The following GABRQ variants were observed in gnomAD, a reference collection of about 807,000 sequenced individuals.
GABRQ encodes gamma-aminobutyric acid receptor subunit theta.
A neutral mutation model predicts 30.5 loss-of-function variants in GABRQ; 19 were observed. The observed-to-expected ratio is 0.62, with a 90% confidence interval of 0.43 to 0.91. The LOEUF (loss-of-function observed/expected upper bound fraction) is 0.91, where lower values mean the gene tolerates loss of function less well. Among genes scored for constraint, GABRQ ranks in the 40% least tolerant of loss-of-function variants. The probability of loss-of-function intolerance (pLI) is 0.00; values close to 1 mark genes in which losing one functional copy is unlikely to be tolerated. For synonymous variants in GABRQ, 187 were observed against 210.2 expected (o/e 0.89, Z 0.95); for missense variants, 520 against 521.4 (o/e 1.00, Z 0.03).
intron 6 of GABRQ, among the ~76,000 whole-genome samples, chrX:152,650,103 C>T (rs1237835857): frequency 8.9e-6 from 1 of 112,011 alleles, no homozygotes; most frequent in Non-Finnish European, 1.9e-5. Context: ...GTAAAAGATT[C>T]ATGCTCCTCT....
chrX:152,642,002 AG>A (rs1930769760), intron 2 of GABRQ, among the ~76,000 whole-genome samples: 1 of 111,728 alleles, frequency 9.0e-6, no homozygotes. Context: ...GGGAGGGAGC[AG>A]GGGCAAGAAT....
Position 152,656,310 on chromosome X carries a change from T to C in GABRQ, c.*3029T>C, listed in dbSNP as rs1299953708. 1 of 110,885 alleles carries C rather than the reference T, an allele frequency of 9.0e-6. No individual in the cohort carries two copies. The highest frequency in any genetic ancestry group is 9.6e-5 in the Admixed American group (1 of 10,435). 9.1% of individuals were successfully genotyped at this position (110,885 alleles called of 1,213,427 possible). On this transcript the variant is annotated 3_prime_UTR_variant, in exon 9 of 9. Transcript: ENST00000598523. ...ACCTCACACCAGGTAACTCTGGAAG[T>C]GCAGAATGCTTGGTAGTTTGGAGCT...
rs1930899844 is a variant in GABRQ at position 152,646,882 on chromosome X, A to G, written c.307-66A>G. Reference sequence around the variant, plus strand: ...GCATGCACACATACACACACACCCTACACACACCAAGGATGGAGCTCTGGA... The same window carrying G: ...GCATGCACACATACACACACACCCTGCACACACCAAGGATGGAGCTCTGGA... On this transcript the variant is annotated intron_variant, in intron 3 of 8. Transcript: ENST00000598523. 7.0e-6 allele frequency: 5 copies of G among 715,051 alleles called. No homozygotes were observed. In the Admixed American group the frequency reaches 1.1e-4, roughly 16 times the overall value. 58.9% of individuals were successfully genotyped at this position (715,051 alleles called of 1,213,427 possible). A position where few individuals can be genotyped will look rare whatever the true frequency, so the allele number is the denominator to read the frequency against.
At position 152,652,565 on chromosome X, in the gene GABRQ, G is replaced by A. The variant is rs1931049042; in HGVS notation, c.1183G>A (p.Gly395Arg). Residue 395 changes from glycine to arginine, a missense_variant, in exon 9 of 9, where the codon GGA becomes AGA. Gly to Arg is a moderately radical substitution (Grantham distance 125). Transcript: ENST00000598523. ...VQDGLINVED[G>R]VSSLPITPAQ... ...GGATGGCCTGATTAACGTGGAAGACGGAGTCAGCTCTCTCCCCATCACCCC... is the reference window on the plus strand; with the variant it reads ...GGATGGCCTGATTAACGTGGAAGACAGAGTCAGCTCTCTCCCCATCACCCC... 5 of 1,205,787 alleles carry A rather than the reference G, an allele frequency of 4.1e-6. No individual in the cohort carries two copies. Among genetic ancestry groups the A allele is most frequent in the South Asian group, 3.6e-5 (2 of 56,084 alleles).
chrX:152,646,813 T>TTGTA (rs1268886743), intron 3 of GABRQ, 135 bp from the exon 4 acceptor site: 6 of 472,884 alleles, frequency 1.3e-5, no homozygotes, highest in African/African-American at 1.2e-4. Context: ...TTTCACGCAC[T>TTGTA]TGTATATAGT....
chrX:152,651,707 G>A lies in GABRQ; in HGVS notation c.1083G>A (p.Gln361=), dbSNP rs1556820255. Residue 361 remains glutamine (Q), a synonymous_variant, in exon 8 of 9, where the codon CAG becomes CAA. Coordinates refer to ENST00000598523, the MANE Select transcript of GABRQ (RefSeq NM_018558.4). ...YLFYSRGPRR[Q]PRRHRRPRRV... ...TCTACAGTCGAGGACCTCGGCGCCA[G>A]CCTAGGCGACACAGGAGACCCCGAA... The A allele has an allele frequency of 8.3e-7, 1 of 1,209,751 alleles. No individual in the cohort carries two copies. Among genetic ancestry groups the A allele is most frequent in the South Asian group, 1.8e-5 (1 of 56,940 alleles).
At chrX:152,644,092 C>T (rs192548416) in intron 2 of GABRQ, among the ~76,000 whole-genome samples, 109 of 111,784 alleles carry the variant, frequency 9.8e-4, no homozygotes, top group African/African-American at 3.5e-3. Flanking sequence ...CGAGACCACG[C>T]TCAAATTCAC....
chrX:152,651,691 G>A lies in GABRQ; in HGVS notation c.1067G>A (p.Arg356Gln), dbSNP rs1343935503. 10 of 1,208,212 alleles carry A rather than the reference G, an allele frequency of 8.3e-6. No individual in the cohort carries two copies. Among genetic ancestry groups the A allele is most frequent in the African/African-American group, 3.5e-5 (2 of 57,224 alleles). The change falls in exon 8 of 9, where the codon CGA (arginine) becomes CAA (glutamine). Residue 356 changes from arginine to glutamine, a missense_variant. Physicochemically the swap from Arg to Gln is conservative, Grantham distance 43. Coordinates refer to ENST00000598523, the MANE Select transcript of GABRQ (RefSeq NM_018558.4). ...YVYINYLFYS[R>Q]GPRRQPRRHR... ...TACATCAACTATCTTTTCTACAGTC[G>A]AGGACCTCGGCGCCAGCCTAGGCGA...
intron 2 of GABRQ, among the ~76,000 whole-genome samples, chrX:152,641,533 TA>T (rs1350047101): frequency 8.9e-6 from 1 of 112,035 alleles, no homozygotes; most frequent in African/African-American, 3.2e-5. Context: ...AGCAAGGTGG[TA>T]GTCCTGGGCC....
rs1931117456 is a variant in GABRQ, at chrX:152,654,855, T to G, written c.*1574T>G. The G allele has an allele frequency of 8.9e-6, 1 of 112,697 alleles. No individual in the cohort carries two copies. Among genetic ancestry groups the G allele is most frequent in the South Asian group, 3.7e-4 (1 of 2,712 alleles). 9.3% of individuals were successfully genotyped at this position (112,697 alleles called of 1,213,427 possible). On this transcript the variant is annotated 3_prime_UTR_variant, in exon 9 of 9. Coordinates refer to ENST00000598523, the MANE Select transcript of GABRQ (RefSeq NM_018558.4). ...CCCTTTAACTGTGCTTCTGTGTTTG[T>G]GTTTCTGTATATACCTGGGTGTATG...
In GABRQ at chrX:152,653,598, A is replaced by G. The variant is rs1931087856; in HGVS notation, c.*317A>G. ...GCCCCTGGAAATGTTTAGAGGACAG[A>G]GAAGAGCCAGGTTGGGGGATGGGGC... On this transcript the variant is annotated 3_prime_UTR_variant, in exon 9 of 9. Transcript: ENST00000598523. The G allele has an allele frequency of 4.9e-6, 1 of 205,451 alleles. No individual in the cohort carries two copies. The highest frequency in any genetic ancestry group is 2.9e-5 in the African/African-American group (1 of 34,117). 16.9% of individuals were successfully genotyped at this position (205,451 alleles called of 1,213,427 possible). A position where few individuals can be genotyped will look rare whatever the true frequency, so the allele number is the denominator to read the frequency against.
At position 152,651,697 on chromosome X, in the gene GABRQ, C is replaced by G. The variant is rs781897245; in HGVS notation, c.1073C>G (p.Pro358Arg). 1 of 1,209,379 alleles carries G rather than the reference C, an allele frequency of 8.3e-7. No homozygotes were observed. Among genetic ancestry groups the G allele is most frequent in the East Asian group, 3.0e-5 (1 of 33,833 alleles). The change falls in exon 8 of 9, where the codon CCT (proline) becomes CGT (arginine). Residue 358 changes from proline to arginine, a missense_variant. Coordinates refer to ENST00000598523, the MANE Select transcript of GABRQ (RefSeq NM_018558.4). Reference sequence around the variant, plus strand: ...AACTATCTTTTCTACAGTCGAGGACCTCGGCGCCAGCCTAGGCGACACAGG... The same window carrying G: ...AACTATCTTTTCTACAGTCGAGGACGTCGGCGCCAGCCTAGGCGACACAGG... ...YINYLFYSRG[P>R]RRQPRRHRRP...
In GABRQ at chrX:152,650,524, C is replaced by A. The variant is rs1190087851; in HGVS notation, c.845C>A (p.Thr282Asn). The change falls in exon 7 of 9, where the codon ACC (threonine) becomes AAC (asparagine). Residue 282 changes from threonine to asparagine, a missense_variant. Thr to Asn is a moderately conservative substitution (Grantham distance 65). Coordinates refer to ENST00000598523, the MANE Select transcript of GABRQ (RefSeq NM_018558.4). ...VYWPTVLTTI[T>N]SWISFWMNYD... The stretch of plus-strand genomic sequence containing the variant: ...TGGCCTACTGTCCTCACCACTATTA[C>A]CTCTTGGATATCGTTTTGGATGAAC... The A allele has an allele frequency of 8.3e-7, 1 of 1,203,982 alleles. No homozygotes were observed. Among genetic ancestry groups the A allele is most frequent in the African/African-American group, 1.7e-5 (1 of 57,594 alleles).
intron 8 of GABRQ, 144 bp downstream of exon 8, chrX:152,651,926 A>G (rs1237853991): frequency 2.0e-6 from 1 of 511,387 alleles, no homozygotes; most frequent in Non-Finnish European, 3.2e-6. Flanking sequence ...CACACAACAT[A>G]TAACAAAGAA....
At chrX:152,644,090 C>T (rs376633967) in intron 2 of GABRQ, among the ~76,000 whole-genome samples, 3 of 111,857 alleles carry the variant, frequency 2.7e-5, no homozygotes, top group Middle Eastern at 4.6e-3. Flanking sequence ...TACGAGACCA[C>T]GCTCAAATTC....
intron 2 of GABRQ, among the ~76,000 whole-genome samples, chrX:152,644,196 T>G (rs1930827554): frequency 9.0e-6 from 1 of 110,917 alleles, no homozygotes; most frequent in Non-Finnish European, 1.9e-5. Flanking sequence ...TAGGCCCACA[T>G]ACACAAACAC....
In GABRQ at chrX:152,638,077, C is replaced by T. The variant is rs1930653864; in HGVS notation, c.-126C>T. The T allele has an allele frequency of 6.8e-6, 4 of 591,598 alleles. No individual in the cohort carries two copies. Among genetic ancestry groups the T allele is most frequent in the South Asian group, 2.9e-5 (1 of 33,988 alleles). 48.8% of individuals were successfully genotyped at this position (591,598 alleles called of 1,213,427 possible). On this transcript the variant is annotated 5_prime_UTR_variant, in exon 1 of 9. Coordinates refer to ENST00000598523, the MANE Select transcript of GABRQ (RefSeq NM_018558.4). Reference sequence around the variant, plus strand: ...CTCGCTGCTCTCTCCTTAGAGGCGACTCTTTGGGGAAGGGCCAGCAATCCC... The same window carrying T: ...CTCGCTGCTCTCTCCTTAGAGGCGATTCTTTGGGGAAGGGCCAGCAATCCC...
rs1174528538 is a variant in GABRQ at position 152,637,916 on chromosome X, C to G, written c.-287C>G. ...GCCCAGTCGCAGCCAGGAGCGGCCG[C>G]AGACGGAGCGCACCTCGCAGCTGCC... On this transcript the variant is annotated 5_prime_UTR_variant, in exon 1 of 9. Coordinates refer to ENST00000598523, the MANE Select transcript of GABRQ (RefSeq NM_018558.4). 8.8e-6 allele frequency among the ~76,000 whole-genome samples: 1 copy of G among 113,483 alleles called. No homozygotes were observed. Among genetic ancestry groups the G allele is most frequent in the Non-Finnish European group, 1.9e-5 (1 of 53,392 alleles).
intron 5 of GABRQ, 70 bp from the exon 6 acceptor site, chrX:152,649,672 T>C (rs1157293137): frequency 1.1e-6 from 1 of 893,291 alleles, no homozygotes; most frequent in Non-Finnish European, 1.6e-6. Context: ...TAGGAGCTTG[T>C]AGCATGTCTT....
Sources: gnomAD v4.1 joint callset for allele counts (sites outside exome capture counted in the v4.1 genomes callset) on GRCh38, gnomAD v4.1.1 for gene constraint, MANE v1.5 for transcripts, NCBI Gene and HGNC (gene_info 2026-07-23, HGNC 2026-07-21) for gene names.